Variants in NACC2 observed in about 807,000 individuals in gnomAD.
The protein encoded by NACC2 is NACC family member 2.
A neutral mutation model predicts 25.1 loss-of-function variants in NACC2; 8 were observed. That is an observed-to-expected ratio of 0.32 (90% CI 0.19 to 0.57). The LOEUF is 0.57. Ranked by LOEUF, NACC2 falls within the 20% of genes least tolerant of loss-of-function variation. NACC2 has a pLI of 0.89. For missense variants in NACC2, 644 were observed against 650.2 expected, an observed-to-expected ratio of 0.99 and a Z score of 0.10; for synonymous variants, 435 against 294.7, an observed-to-expected ratio of 1.48 and a Z score of -4.88.
intron 2 of NACC2, among the ~76,000 whole-genome samples, chr9:136,021,819 G>A (rs778637297): frequency 1.3e-4 from 20 of 152,174 alleles, no homozygotes; most frequent in Non-Finnish European, 2.2e-4. Flanking sequence ...ATCTCAAATC[G>A]TGCTGTTACA....
At chr9:136,051,583 G>C (rs1208561408) in intron 1 of NACC2, among the ~76,000 whole-genome samples, 1 of 149,934 alleles carries the variant, frequency 6.7e-6, no homozygotes, top group East Asian at 2.0e-4. Context: ...TGTGTCCCAC[G>C]GGAGGAAAGT....
chr9:136,094,904 C>G (rs1200541661), intron 1 of NACC2, among the ~76,000 whole-genome samples: 1 of 149,750 alleles, frequency 6.7e-6, no homozygotes, highest in Non-Finnish European at 1.5e-5. Context: ...GGGGTCTCCC[C>G]GAACGCGCGG....
intron 2 of NACC2, among the ~76,000 whole-genome samples, chr9:136,023,043 A>AGGGAAGGAGGG (rs1681241481): frequency 1.4e-5 from 1 of 73,978 alleles, no homozygotes; most frequent in Non-Finnish European, 2.5e-5. Flanking sequence ...GGAAGGAGGG[A>AGGGAAGGAGGG]GGGAAGGAGG....
chr9:136,046,678 CA>C (rs1840730448), intron 2 of NACC2, among the ~76,000 whole-genome samples: 1 of 152,212 alleles, frequency 6.6e-6, no homozygotes, highest in African/African-American at 2.4e-5. Flanking sequence ...CTGACTGCAA[CA>C]AACTGAAAAC....
At chr9:136,016,499 G>C in intron 2 of NACC2, 70 bp from the exon 3 acceptor site, 5 of 1,577,272 alleles carry the variant, frequency 3.2e-6, no homozygotes, top group Non-Finnish European at 4.3e-6. Flanking sequence ...CTGCCCGCCT[G>C]CCCTCCATGC....
chr9:136,059,893 G>A (rs949839794), intron 1 of NACC2, among the ~76,000 whole-genome samples: 1 of 152,132 alleles, frequency 6.6e-6, no homozygotes, highest in Admixed American at 6.5e-5. Flanking sequence ...TAACTCAATT[G>A]CAGCCAAGAC....
chr9:136,046,692 C>T (rs1277784317), intron 2 of NACC2, among the ~76,000 whole-genome samples: 2 of 152,202 alleles, frequency 1.3e-5, no homozygotes, highest in Non-Finnish European at 2.9e-5. Context: ...CTGAAAACAA[C>T]CTGAATGTCC....
chr9:136,052,716 G>A (rs1301276982), intron 1 of NACC2, among the ~76,000 whole-genome samples: 1 of 152,184 alleles, frequency 6.6e-6, no homozygotes, highest in African/African-American at 2.4e-5. Context: ...GGGCAGCCCC[G>A]CCTGAGAGGT....
At chr9:136,025,614 T>TAAAAA (rs942237535) in intron 2 of NACC2, among the ~76,000 whole-genome samples, 1 of 139,146 alleles carries the variant, frequency 7.2e-6, no homozygotes, top group Non-Finnish European at 1.6e-5. Context: ...TAAGTCCTAT[T>TAAAAA]AAAAAAAAAA....
At chr9:136,041,994 A>G (rs1428261567) in intron 2 of NACC2, among the ~76,000 whole-genome samples, 2 of 151,334 alleles carry the variant, frequency 1.3e-5, no homozygotes, top group African/African-American at 2.5e-5. Flanking sequence ...TAATCCTTCA[A>G]AACAATTTCT....
chr9:136,088,371 G>A (rs1830400761), intron 1 of NACC2, among the ~76,000 whole-genome samples: 1 of 152,106 alleles, frequency 6.6e-6, no homozygotes, highest in Non-Finnish European at 1.5e-5. Flanking sequence ...CTCCCCTAGG[G>A]CAAAAATTTG....
chr9:136,018,265 G>T lies in NACC2; in HGVS notation c.887-1836C>A, dbSNP rs1170807336. The stretch of plus-strand genomic sequence containing the variant: ...CAGGGGTGGCTGAGCCTCGGGGCGT[G>T]GGGGGGCTGCCAAGGGGGCTGCTGG... On this transcript the variant is annotated intron_variant, in intron 2 of 5. Coordinates refer to ENST00000277554, the MANE Select transcript of NACC2 (RefSeq NM_144653.5). This position sits in a 1 kb window ranked among gnomAD's most constrained non-coding sequence, Gnocchi z 4.4. Among the ~76,000 whole-genome samples, 4 of 152,082 alleles carry T rather than the reference G, an allele frequency of 2.6e-5. No homozygotes were observed. The East Asian group carries it at 5.9e-4, about 22-fold the overall frequency.
chr9:136,039,324 A>G (rs1375244249), intron 2 of NACC2, among the ~76,000 whole-genome samples: 1 of 152,240 alleles, frequency 6.6e-6, no homozygotes, highest in Non-Finnish European at 1.5e-5. Flanking sequence ...GAATGCTGCT[A>G]ATTACAGTAA....
At chr9:136,078,777 C>T (rs1830290699) in intron 1 of NACC2, among the ~76,000 whole-genome samples, 1 of 152,240 alleles carries the variant, frequency 6.6e-6, no homozygotes, top group South Asian at 2.1e-4. Context: ...CCACAGCCAC[C>T]GCCGCATCCT....
chr9:136,024,136 A>AGT (rs1344535360), intron 2 of NACC2, among the ~76,000 whole-genome samples: 1 of 134,194 alleles, frequency 7.5e-6, no homozygotes, highest in Non-Finnish European at 1.6e-5. Context: ...GTGTGAGGAC[A>AGT]GTGTGTGTGT....
At chr9:136,048,905 G>A (rs1840771384) in intron 2 of NACC2, among the ~76,000 whole-genome samples, 1 of 152,228 alleles carries the variant, frequency 6.6e-6, no homozygotes, top group African/African-American at 2.4e-5. Flanking sequence ...TTATGCACCC[G>A]CACCCAGGCC....
intron 1 of NACC2, among the ~76,000 whole-genome samples, chr9:136,067,057 C>A (rs1415734038): frequency 6.6e-6 from 1 of 151,964 alleles, no homozygotes; most frequent in Non-Finnish European, 1.5e-5. Context: ...TCGAGACCAG[C>A]CTCGGCAAGC....
intron 2 of NACC2, among the ~76,000 whole-genome samples, chr9:136,031,853 C>A (rs546357220): frequency 5.3e-5 from 8 of 152,234 alleles, no homozygotes; most frequent in Non-Finnish European, 1.5e-5. Context: ...TTACTGCTGC[C>A]TCCAGGCCCT....
intron 1 of NACC2, among the ~76,000 whole-genome samples, chr9:136,094,529 C>T (rs961921863): frequency 1.3e-5 from 2 of 151,998 alleles, no homozygotes; most frequent in African/African-American, 4.8e-5. Context: ...GAGCTGGGGC[C>T]CCCCGACCTC....
Sources: allele counts gnomAD v4.1 joint callset (sites outside exome capture counted in the v4.1 genomes callset), GRCh38; gene constraint gnomAD v4.1.1; non-coding constraint Gnocchi (gnomAD v3.1); transcripts MANE v1.5; gene names NCBI Gene and HGNC (gene_info 2026-07-23, HGNC 2026-07-21).